Variants in NSD1 observed in about 807,000 individuals in gnomAD.
The protein encoded by NSD1 is nuclear receptor binding SET domain protein 1, also known as histone-lysine N-methyltransferase, H3 lysine-36 specific.
In NSD1, 26 loss-of-function variants were observed where a neutral mutation model predicts 242.7. That is an observed-to-expected ratio of 0.11 (90% CI 0.08 to 0.15). NSD1 has a LOEUF of 0.15. NSD1 is among the 10% of genes least tolerant of loss of function. NSD1 has a pLI of 1.00. For missense variants in NSD1, 2,495 were observed against 3,272.8 expected, an observed-to-expected ratio of 0.76 and a Z score of 5.80; for synonymous variants, 1,106 against 1,178.1, an observed-to-expected ratio of 0.94 and a Z score of 1.25.
intron 5 of NSD1, among the ~76,000 whole-genome samples, chr5:177,221,785 C>T (rs1177652762): frequency 1.3e-5 from 2 of 151,126 alleles, no homozygotes; most frequent in Admixed American, 6.6e-5. Flanking sequence ...ACTCATATTT[C>T]CCCTTCCCCA....
intron 2 of NSD1, among the ~76,000 whole-genome samples, chr5:177,146,699 C>G (rs1000072133): frequency 6.6e-5 from 10 of 152,100 alleles, no homozygotes; most frequent in Admixed American, 6.6e-4. Context: ...ATATCCATGA[C>G]TCCCGTCAAC....
chr5:177,158,938 G>GTA (rs34870118), intron 2 of NSD1, among the ~76,000 whole-genome samples: 31,935 of 141,486 alleles, frequency 0.23, 4,838 homozygotes, highest in East Asian at 0.51. Flanking sequence ...GTGTGTGTGT[G>GTA]TATATATACA....
chr5:177,165,978 C>T (rs111425424), intron 2 of NSD1, among the ~76,000 whole-genome samples: 1 of 147,222 alleles, frequency 6.8e-6, no homozygotes, highest in Non-Finnish European at 1.5e-5. Context: ...GGCGCAATCT[C>T]GGCTCATTGC....
At chr5:177,273,841 T>G (rs1349654804) in intron 17 of NSD1, 57 bp downstream of exon 17, 5 of 1,121,382 alleles carry the variant, frequency 4.5e-6, no homozygotes, top group Non-Finnish European at 6.8e-6. Flanking sequence ...AGCTGGCTCT[T>G]CCCACTCTGT....
At chr5:177,203,180 C>T (rs1278942531) in intron 3 of NSD1, among the ~76,000 whole-genome samples, 1 of 151,674 alleles carries the variant, frequency 6.6e-6, no homozygotes. Context: ...TTTTTATTTC[C>T]TTTTATTAAA....
At chr5:177,257,696 G>T (rs1370690567) in intron 13 of NSD1, among the ~76,000 whole-genome samples, 1 of 152,168 alleles carries the variant, frequency 6.6e-6, no homozygotes, top group African/African-American at 2.4e-5. Context: ...CAATGTGGTC[G>T]TGTGGTAGGG....
intron 16 of NSD1, among the ~76,000 whole-genome samples, chr5:177,270,337 A>C (rs534470469): frequency 6.6e-6 from 1 of 152,364 alleles, no homozygotes; most frequent in South Asian, 2.1e-4. Flanking sequence ...AACTAGTTTT[A>C]CTGCTTACCA....
At chr5:177,189,563 G>C (rs191921279) in intron 2 of NSD1, among the ~76,000 whole-genome samples, 32 of 152,246 alleles carry the variant, frequency 2.1e-4, no homozygotes, top group African/African-American at 7.2e-4. Context: ...AAGAATTTAG[G>C]CTCTGGAGTT....
At chr5:177,180,166 C>T (rs921185380) in intron 2 of NSD1, among the ~76,000 whole-genome samples, 1 of 151,948 alleles carries the variant, frequency 6.6e-6, no homozygotes, top group Non-Finnish European at 1.5e-5. Flanking sequence ...ACGATCTTGG[C>T]TCACTGCAAC....
intron 2 of NSD1, among the ~76,000 whole-genome samples, chr5:177,185,791 A>ATG (rs1162786393): frequency 2.0e-4 from 4 of 19,544 alleles, no homozygotes; most frequent in Non-Finnish European, 2.7e-4. Flanking sequence ...TATGTATATT[A>ATG]TATATATATA....
intron 5 of NSD1, among the ~76,000 whole-genome samples, chr5:177,217,845 T>G (rs1019101653): frequency 6.6e-6 from 1 of 152,092 alleles, no homozygotes; most frequent in African/African-American, 2.4e-5. Context: ...TTTTTTTGTA[T>G]TTTTAGTGGA....
chr5:177,295,776 T>G lies in NSD1; in HGVS notation c.*317T>G. The stretch of plus-strand genomic sequence containing the variant: ...CTCTGGAGTCAAGTATGGAATTCAA[T>G]TCCGCTGGTCAGGTTGGAAGGTATA... On this transcript the variant is annotated 3_prime_UTR_variant, in exon 23 of 23. Transcript: ENST00000439151. The surrounding 1 kb of genome is among the most constrained non-coding windows in gnomAD (Gnocchi z 4.3). 1 of 489,696 alleles carries G rather than the reference T, an allele frequency of 2.0e-6. No individual in the cohort carries two copies. 30.3% of individuals were successfully genotyped at this position (489,696 alleles called of 1,614,324 possible). A position where few individuals can be genotyped will look rare whatever the true frequency, so the allele number is the denominator to read the frequency against.
At chr5:177,221,578 G>A (rs1764240217) in intron 5 of NSD1, among the ~76,000 whole-genome samples, 2 of 148,246 alleles carry the variant, frequency 1.3e-5, no homozygotes, top group Admixed American at 1.4e-4. Context: ...CAATTCTCCT[G>A]CTTCAGCCTC....
intron 14 of NSD1, chr5:177,266,660 G>A (rs1757502240): frequency 5.3e-6 from 2 of 376,596 alleles, no homozygotes; most frequent in Non-Finnish European, 9.3e-6. Context: ...TTTAAGAGGT[G>A]AAAGAAGCAC....
At chr5:177,289,396 G>A (rs1194169265) in intron 21 of NSD1, among the ~76,000 whole-genome samples, 2 of 152,140 alleles carry the variant, frequency 1.3e-5, no homozygotes, top group African/African-American at 2.4e-5. Flanking sequence ...GCATTCGGCT[G>A]ATCAATTATA....
chr5:177,267,517 C>A, intron 14 of NSD1, 45 bp from the exon 15 acceptor site: 1 of 1,572,654 alleles, frequency 6.4e-7, no homozygotes, highest in Non-Finnish European at 8.7e-7. Flanking sequence ...ACATACATGA[C>A]TTGCAGTCTT....
intron 8 of NSD1, among the ~76,000 whole-genome samples, chr5:177,242,567 G>T (rs1367167840): frequency 7.0e-6 from 1 of 143,232 alleles, no homozygotes; most frequent in African/African-American, 2.5e-5. Flanking sequence ...TGCTTTTGTT[G>T]TCTAGGCTGG....
At chr5:177,228,432 G>T (rs548484390) in intron 5 of NSD1, among the ~76,000 whole-genome samples, 102 of 152,038 alleles carry the variant, frequency 6.7e-4, no homozygotes, top group African/African-American at 2.4e-3. Flanking sequence ...GGCTAGGCTG[G>T]TCTTGAACTC....
intron 2 of NSD1, among the ~76,000 whole-genome samples, chr5:177,149,636 C>G (rs1200870274): frequency 6.6e-6 from 1 of 152,114 alleles, no homozygotes; most frequent in Non-Finnish European, 1.5e-5. Flanking sequence ...GGGGATGAAA[C>G]TTTTCCACCT....
Sources: gnomAD v4.1 joint callset for allele counts (sites outside exome capture counted in the v4.1 genomes callset) on GRCh38, gnomAD v4.1.1 for gene constraint, Gnocchi (gnomAD v3.1) non-coding constraint, MANE v1.5 for transcripts, NCBI Gene and HGNC (gene_info 2026-07-23, HGNC 2026-07-21) for gene names.